The following COL5A2 variants were observed in gnomAD, a reference collection of about 807,000 sequenced individuals.
COL5A2 encodes the protein collagen alpha-2(V) chain.
In COL5A2, 23 loss-of-function variants were observed where a neutral mutation model predicts 208.2. That is an observed-to-expected ratio of 0.11 (90% CI 0.08 to 0.16). The LOEUF (loss-of-function observed/expected upper bound fraction) is 0.16, where lower values mean the gene tolerates loss of function less well. Ranked by LOEUF, COL5A2 falls within the 10% of genes least tolerant of loss-of-function variation. The probability of loss-of-function intolerance (pLI) is 1.00; values close to 1 mark genes in which losing one functional copy is unlikely to be tolerated. For synonymous variants in COL5A2, 625 were observed against 628.5 expected (o/e 0.99, Z 0.08); for missense variants, 1,590 against 1,956.4 (o/e 0.81, Z 3.53).
chr2:189,104,283 A>G lies in COL5A2; in HGVS notation c.323-6T>C, dbSNP rs763280457. ...ACTTACCTTTCTTCCTCTACCTGTA[A>G]AAAGAAAAGAGTAAATGTGTTATTT... On this transcript the variant is annotated splice_region_variant and splice_polypyrimidine_tract_variant and intron_variant, in intron 2 of 53. Transcript: ENST00000374866. 1.8e-5 allele frequency: 27 copies of G among 1,497,894 alleles called. No homozygotes were observed. The South Asian group carries it at 2.4e-4, about 13-fold the overall frequency. 92.8% of individuals were successfully genotyped at this position (1,497,894 alleles called of 1,614,324 possible).
intron 1 of COL5A2, among the ~76,000 whole-genome samples, chr2:189,114,140 G>A (rs1390326002): frequency 1.3e-5 from 2 of 152,156 alleles, no homozygotes; most frequent in African/African-American, 4.8e-5. Flanking sequence ...AAGTTAGTTG[G>A]AATGCTTTTA....
In COL5A2 at chr2:189,060,719, T is replaced by C; in HGVS notation, c.2085+11A>G. ...GTATAGTGTTGCCATTATTATTATT[T>C]AAACACTTACTTGATCACCTGGTTT... On this transcript the variant is annotated intron_variant, in intron 31 of 53. Coordinates refer to ENST00000374866, the MANE Select transcript of COL5A2 (RefSeq NM_000393.5). 6.2e-7 allele frequency: 1 copy of C among 1,608,184 alleles called. No individual in the cohort carries two copies. Among genetic ancestry groups the C allele is most frequent in the Non-Finnish European group, 8.5e-7 (1 of 1,174,696 alleles).
chr2:189,356,788 T>C, the COL5A2 span, among the ~76,000 whole-genome samples: 1 of 152,054 alleles, frequency 6.6e-6, no homozygotes, highest in African/African-American at 2.4e-5. Context: ...TGGCGAGGAG[T>C]TGTGATCCTT....
At chr2:189,366,666 C>G in the COL5A2 span, among the ~76,000 whole-genome samples, 4 of 152,296 alleles carry the variant, frequency 2.6e-5, no homozygotes, top group Admixed American at 6.5e-5. Context: ...AAAAGTCAAA[C>G]CTATAAGATG....
intron 5 of COL5A2, chr2:189,097,569 T>C: frequency 6.0e-6 from 4 of 665,742 alleles, no homozygotes; most frequent in South Asian, 3.0e-5. Context: ...TATGGCATCA[T>C]GGAGCATAGT....
At chr2:189,089,671 G>A (rs1686740741) in intron 7 of COL5A2, among the ~76,000 whole-genome samples, 1 of 152,118 alleles carries the variant, frequency 6.6e-6, no homozygotes, top group South Asian at 2.1e-4. Flanking sequence ...GCAATAGCAT[G>A]TGTTCACTCT....
chr2:189,089,649 G>A (rs1266179044), intron 7 of COL5A2, among the ~76,000 whole-genome samples: 2 of 151,960 alleles, frequency 1.3e-5, no homozygotes, highest in African/African-American at 2.4e-5. Flanking sequence ...CAAGACAACC[G>A]GTGCCATGTT....
At chr2:189,200,875 T>G (rs1689060591) in intron 1 of COL5A2, among the ~76,000 whole-genome samples, 1 of 152,082 alleles carries the variant, frequency 6.6e-6, no homozygotes, top group South Asian at 2.1e-4. Flanking sequence ...CAGCAAGCTA[T>G]CTTTCAAAAT....
the COL5A2 span, among the ~76,000 whole-genome samples, chr2:189,243,085 G>A: frequency 6.6e-6 from 1 of 152,298 alleles, no homozygotes; most frequent in South Asian, 2.1e-4. Context: ...GGAAGGGAAA[G>A]GCAAAGAAAA....
chr2:189,099,145 G>T (rs1686997467), intron 4 of COL5A2, among the ~76,000 whole-genome samples: 1 of 152,030 alleles, frequency 6.6e-6, no homozygotes, highest in African/African-American at 2.4e-5. Flanking sequence ...GAGTTATGAA[G>T]ACAAATAAAT....
At chr2:189,085,994 A>G (rs1686649316) in intron 9 of COL5A2, among the ~76,000 whole-genome samples, 1 of 152,054 alleles carries the variant, frequency 6.6e-6, no homozygotes, top group African/African-American at 2.4e-5. Flanking sequence ...CTGCTGAAGT[A>G]ATTAATGTAT....
chr2:189,260,182 C>G, the COL5A2 span, among the ~76,000 whole-genome samples: 2 of 151,974 alleles, frequency 1.3e-5, no homozygotes, highest in African/African-American at 4.8e-5. Flanking sequence ...TGAAGTCTTT[C>G]AGAAAAAAAA....
At chr2:189,191,162 A>C (rs368507322) in intron 1 of COL5A2, among the ~76,000 whole-genome samples, 1,171 of 73,656 alleles carry the variant, frequency 0.016, 30 homozygotes, top group African/African-American at 0.026. Context: ...CAAAAAACAA[A>C]CAAACAACAA....
chr2:189,117,273 A>T (rs1399595571), intron 1 of COL5A2, among the ~76,000 whole-genome samples: 3 of 152,174 alleles, frequency 2.0e-5, no homozygotes, highest in Non-Finnish European at 2.9e-5. Flanking sequence ...TTTTTTTCCC[A>T]CATACCTCAA....
rs1200990468 is a variant in COL5A2 at position 189,110,264 on chromosome 2, C to G, written c.283G>C (p.Val95Leu). The G allele has an allele frequency of 3.1e-6, 5 of 1,613,978 alleles. No individual in the cohort carries two copies. The East Asian group carries it at 1.1e-4, about 36-fold the overall frequency. Residue 95 changes from valine (V) to leucine (L), a missense_variant, in exon 2 of 54, where the codon GTC (valine) becomes CTC (leucine). By Grantham distance (32) the Val-to-Leu change is conservative. Transcript: ENST00000374866. ...PVTPPGECCP[V>L]CSQTPGGGNT... ...CCACCTCCAGGTGTTTGTGAACAGA[C>G]AGGACAGCATTCCCCAGGGGGCGTT...
Position 189,098,779 on chromosome 2 carries a change from A to G in COL5A2, c.370-20T>C. 1 of 1,607,866 alleles carries G rather than the reference A, an allele frequency of 6.2e-7. No individual in the cohort carries two copies. Among genetic ancestry groups the G allele is most frequent in the Non-Finnish European group, 8.5e-7 (1 of 1,174,642 alleles). On this transcript the variant is annotated intron_variant, in intron 4 of 53. Transcript: ENST00000374866. ...TGTTACCTAAACAATAAACAAGAAA[A>G]TTTGTAAAGGTAAAGTTTCTGCAGA... is the stretch of plus-strand genomic sequence containing the variant.
the COL5A2 span, among the ~76,000 whole-genome samples, chr2:189,393,596 G>A: frequency 6.6e-6 from 1 of 152,144 alleles, no homozygotes; most frequent in African/African-American, 2.4e-5. Flanking sequence ...GAGGAATGCT[G>A]TTTATAACAG....
chr2:189,363,861 T>A, the COL5A2 span, among the ~76,000 whole-genome samples: 3 of 152,190 alleles, frequency 2.0e-5, no homozygotes, highest in Admixed American at 6.5e-5. Flanking sequence ...CTTCTCATAA[T>A]AGGAATGACT....
chr2:189,289,581 G>A, the COL5A2 span, among the ~76,000 whole-genome samples: 37 of 152,270 alleles, frequency 2.4e-4, no homozygotes, highest in African/African-American at 8.4e-4. Context: ...ATTGGAAAGA[G>A]AGAAGTTAAA....
Sources: gnomAD v4.1 joint callset for allele counts (sites outside exome capture counted in the v4.1 genomes callset) on GRCh38, gnomAD v4.1.1 for gene constraint, MANE v1.5 for transcripts, NCBI Gene and HGNC (gene_info 2026-07-23, HGNC 2026-07-21) for gene names.